The following EBF1 variants were observed in gnomAD, a reference collection of about 807,000 sequenced individuals.
EBF1 encodes EBF transcription factor 1.
Under a neutral mutation model 68.4 loss-of-function variants are expected in EBF1, and 10 were observed. The observed-to-expected ratio is 0.15, with a 90% CI of 0.09 to 0.25. The LOEUF is 0.25. EBF1 is among the 10% of genes least tolerant of loss of function. EBF1 has a pLI of 1.00. For synonymous variants in EBF1, 298 were observed against 299.8 expected (o/e 0.99, Z 0.06); for missense variants, 509 against 794.4 (o/e 0.64, Z 4.32).
chr5:158,938,134 G>A (rs1053526617), intron 6 of EBF1, among the ~76,000 whole-genome samples: 2 of 152,172 alleles, frequency 1.3e-5, no homozygotes, highest in African/African-American at 4.8e-5. Context: ...TTTTGTTTGA[G>A]ACCCTTTTCA....
chr5:158,742,123 A>G (rs894247956), intron 10 of EBF1, among the ~76,000 whole-genome samples: 4 of 152,190 alleles, frequency 2.6e-5, no homozygotes, highest in African/African-American at 9.7e-5. Context: ...GGCTCCTCAG[A>G]GCAGATCTCT....
At chr5:159,039,919 G>A (rs934945157) in intron 6 of EBF1, among the ~76,000 whole-genome samples, 3 of 152,168 alleles carry the variant, frequency 2.0e-5, no homozygotes, top group African/African-American at 7.2e-5. Context: ...CCTCTAAAAG[G>A]TGACAAAACT....
At chr5:158,706,775 G>A (rs980988054) in intron 15 of EBF1, among the ~76,000 whole-genome samples, 5 of 152,154 alleles carry the variant, frequency 3.3e-5, no homozygotes, top group Admixed American at 2.0e-4. Flanking sequence ...CCGTTTAACC[G>A]ACTATGTCTG....
chr5:158,802,886 T>C (rs1201715241), intron 8 of EBF1, among the ~76,000 whole-genome samples: 2 of 152,102 alleles, frequency 1.3e-5, no homozygotes, highest in Non-Finnish European at 2.9e-5. Context: ...TTAACTAGAG[T>C]TTATTTACGA....
intron 6 of EBF1, among the ~76,000 whole-genome samples, chr5:159,018,370 T>C: frequency 6.6e-6 from 1 of 152,232 alleles, no homozygotes; most frequent in East Asian, 1.9e-4. Context: ...TGCAAATCCC[T>C]GAAACTACAC....
chr5:158,725,011 C>T (rs777178276), intron 11 of EBF1, among the ~76,000 whole-genome samples: 5 of 152,182 alleles, frequency 3.3e-5, no homozygotes, highest in Admixed American at 1.3e-4. Flanking sequence ...GATGTTGCTG[C>T]CTACTTCCAT....
At chr5:158,826,529 A>G (rs1425494778) in intron 7 of EBF1, among the ~76,000 whole-genome samples, 1 of 152,216 alleles carries the variant, frequency 6.6e-6, no homozygotes, top group Non-Finnish European at 1.5e-5. Flanking sequence ...TGATTCTTGA[A>G]GATGTCCAAG....
chr5:159,087,396 A>C (rs1051052311), intron 4 of EBF1, among the ~76,000 whole-genome samples: 1 of 146,444 alleles, frequency 6.8e-6, no homozygotes, highest in African/African-American at 2.6e-5. Context: ...ATATATATAC[A>C]TATATATACA....
chr5:158,834,785 G>A (rs1037719762), intron 7 of EBF1, among the ~76,000 whole-genome samples: 10 of 152,226 alleles, frequency 6.6e-5, no homozygotes, highest in African/African-American at 1.4e-4. Flanking sequence ...CCTGATTGCT[G>A]TTCAGAGGAG....
intron 9 of EBF1, among the ~76,000 whole-genome samples, chr5:158,796,128 T>C (rs1270403969): frequency 6.6e-6 from 1 of 152,112 alleles, no homozygotes; most frequent in Non-Finnish European, 1.5e-5. Flanking sequence ...AGCTCTCCCA[T>C]TGCTTATGGG....
At chr5:158,899,103 G>A (rs997375795) in intron 6 of EBF1, among the ~76,000 whole-genome samples, 4 of 152,326 alleles carry the variant, frequency 2.6e-5, no homozygotes, top group African/African-American at 7.2e-5. Context: ...GAATAATTAC[G>A]TGAAAATGAA....
chr5:159,046,891 G>C (rs1192022821), intron 6 of EBF1, among the ~76,000 whole-genome samples: 1 of 152,216 alleles, frequency 6.6e-6, no homozygotes, highest in East Asian at 1.9e-4. Flanking sequence ...TCACTGAACA[G>C]AGCTGGGAAA....
intron 6 of EBF1, among the ~76,000 whole-genome samples, chr5:159,072,975 T>C (rs1012900690): frequency 6.6e-6 from 1 of 152,228 alleles, no homozygotes; most frequent in African/African-American, 2.4e-5. Flanking sequence ...AAAGTGTAGA[T>C]GGATTACGTC....
At chr5:159,035,823 G>A (rs892502289) in intron 6 of EBF1, among the ~76,000 whole-genome samples, 19 of 152,132 alleles carry the variant, frequency 1.2e-4, no homozygotes, top group African/African-American at 4.1e-4. Context: ...CCCTTCCCAG[G>A]GTCATGCATG....
intron 6 of EBF1, among the ~76,000 whole-genome samples, chr5:158,843,469 A>G (rs1333033851): frequency 2.6e-5 from 4 of 152,228 alleles, no homozygotes; most frequent in Non-Finnish European, 4.4e-5. Context: ...TATGCCGGGC[A>G]CACACCAGAT....
intron 6 of EBF1, among the ~76,000 whole-genome samples, chr5:159,047,354 C>T (rs141194038): frequency 1.1e-3 from 175 of 152,308 alleles, no homozygotes; most frequent in African/African-American, 4.1e-3. Flanking sequence ...TCGTGATCAG[C>T]TTCGAATTCT....
At chr5:159,016,622 C>T (rs1489294917) in intron 6 of EBF1, among the ~76,000 whole-genome samples, 1 of 152,140 alleles carries the variant, frequency 6.6e-6, no homozygotes, top group Admixed American at 6.5e-5. Context: ...TCTGAAGAAC[C>T]TAGGCACCAA....
At chr5:158,957,990 A>T (rs1817478146) in intron 6 of EBF1, among the ~76,000 whole-genome samples, 1 of 152,246 alleles carries the variant, frequency 6.6e-6, no homozygotes, top group Non-Finnish European at 1.5e-5. Context: ...AAACGTAAAG[A>T]AAAAGAAAAC....
At chr5:158,758,297 A>G (rs1341100220) in intron 10 of EBF1, among the ~76,000 whole-genome samples, 1 of 152,236 alleles carries the variant, frequency 6.6e-6, no homozygotes, top group Non-Finnish European at 1.5e-5. Context: ...TAAGAAAATC[A>G]CAGTGACAGT....
Sources: gnomAD v4.1 joint callset for allele counts (sites outside exome capture counted in the v4.1 genomes callset) on GRCh38, gnomAD v4.1.1 for gene constraint, MANE v1.5 for transcripts, NCBI Gene and HGNC (gene_info 2026-07-23, HGNC 2026-07-21) for gene names.